The following PPFIA4 variants were observed in gnomAD, a reference collection of about 807,000 sequenced individuals.
The protein encoded by PPFIA4 is PPFI scaffold protein A4.
A neutral mutation model predicts 145.7 loss-of-function variants in PPFIA4; 98 were observed. The observed-to-expected ratio is 0.67, with a 90% CI of 0.57 to 0.80. PPFIA4 has a LOEUF of 0.80. Ranked by LOEUF, PPFIA4 falls within the 30% of genes least tolerant of loss-of-function variation. PPFIA4 has a pLI of 0.00. For missense variants in PPFIA4, 1,457 were observed against 1,632.7 expected (o/e 0.89, Z 1.85); for synonymous variants, 628 against 649.6 (o/e 0.97, Z 0.51).
rs867284916 is a variant in PPFIA4 at position 203,039,038 on chromosome 1, G to T, written c.30G>T (p.Glu10Asp). 6.4e-7 allele frequency: 1 copy of T among 1,570,924 alleles called. No homozygotes were observed. The highest frequency in any genetic ancestry group is 2.3e-5 in the East Asian group (1 of 43,726). The change falls in exon 2 of 30, where the codon GAG becomes GAT. Residue 10 changes from glutamate (E) to aspartate (D), a missense_variant. By Grantham distance (45) the Glu-to-Asp change is conservative. This residue lies in a region of PPFIA4 where 463 missense variants were observed against 459.8 expected (regional missense o/e 1.01). Coordinates refer to ENST00000295706, the MANE Select transcript of PPFIA4 (RefSeq NM_001304331.2). ...GTGAGGTGATGCCCACAATCAATGA[G>T]GGGGACCGCCTGGGTCCCCCTCATG... The part of the protein sequence containing the change: MCEVMPTIN[E>D]GDRLGPPHGA...
At chr1:203,049,067 G>A (rs1385748229) in intron 12 of PPFIA4, 87 bp downstream of exon 12, 1 of 1,266,200 alleles carries the variant, frequency 7.9e-7, no homozygotes. Context: ...CTGCTGCTCT[G>A]ATACCTGGCA....
Position 203,049,693 on chromosome 1 carries a change from G to T in PPFIA4, c.1437G>T (p.Glu479Asp). Residue 479 changes from glutamate to aspartate, a missense_variant, in exon 13 of 30, where the codon GAG (glutamate) becomes GAT (aspartate). Around this residue, in one of 3 missense-constraint regions of PPFIA4, gnomAD observed 848 missense variants for 1,046.7 expected, o/e 0.81. Coordinates refer to ENST00000295706, the MANE Select transcript of PPFIA4 (RefSeq NM_001304331.2). ...QHHHKGRLSE[E>D]IEKLRQEVDQ... is the part of the protein sequence containing the mutation. ...TGGCACAGGGCCGCCTGTCTGAAGA[G>T]ATTGAGAAGCTGCGCCAAGAGGTGG... 6.3e-7 allele frequency: 1 copy of T among 1,581,002 alleles called. No homozygotes were observed. Among genetic ancestry groups the T allele is most frequent in the Non-Finnish European group, 8.6e-7 (1 of 1,163,202 alleles).
In PPFIA4 at chr1:203,068,977, C is replaced by G. The variant is rs1160309637; in HGVS notation, c.3324+349C>G. Among the ~76,000 whole-genome samples the G allele has an allele frequency of 6.6e-6, 1 of 152,186 alleles. No individual in the cohort carries two copies. The highest frequency in any genetic ancestry group is 1.5e-5 in the Non-Finnish European group (1 of 68,036). Reference sequence around the variant, plus strand: ...TTCCTTTTCATCCTGCTTCTCTGATCTGACTTTTCTTAGAGGGGAATGAGC... The same window carrying G: ...TTCCTTTTCATCCTGCTTCTCTGATGTGACTTTTCTTAGAGGGGAATGAGC... On this transcript the variant is annotated intron_variant, in intron 27 of 29. Coordinates refer to ENST00000295706, the MANE Select transcript of PPFIA4 (RefSeq NM_001304331.2). This position sits in a 1 kb window ranked among gnomAD's most constrained non-coding sequence, Gnocchi z 4.7.
At chr1:203,035,649 T>G (rs753192490) in intron 1 of PPFIA4, 3 of 456,758 alleles carry the variant, frequency 6.6e-6, no homozygotes, top group South Asian at 4.6e-5. Flanking sequence ...CTGTGAGTGT[T>G]ACTTAGAAAT....
intron 13 of PPFIA4, chr1:203,051,355 TCTAGA>T: frequency 1.0e-6 from 1 of 980,396 alleles, no homozygotes; most frequent in East Asian, 1.1e-4. Flanking sequence ...GAAAAGGGCC[TCTAGA>T]CATCATCCCT....
intron 8 of PPFIA4, 32 bp downstream of exon 8, chr1:203,046,019 T>C (rs776726330): frequency 2.5e-6 from 4 of 1,611,538 alleles, no homozygotes; most frequent in Middle Eastern, 1.8e-4. Flanking sequence ...GGGATGGGCA[T>C]TGTACTTAGC....
chr1:203,044,481 C>T (rs1246837176), intron 5 of PPFIA4, 28 bp downstream of exon 5: 1 of 1,544,496 alleles, frequency 6.5e-7, no homozygotes, highest in South Asian at 1.2e-5. Flanking sequence ...CCTCAGTCTG[C>T]AGCTCCTGGA....
chr1:203,032,071 T>TGTGTGTGTGTGTG (rs1558060391), intron 1 of PPFIA4, among the ~76,000 whole-genome samples: 5 of 151,860 alleles, frequency 3.3e-5, no homozygotes, highest in Admixed American at 1.3e-4. Context: ...TGTGTGTGTG[T>TGTGTGTGTGTGTG]TTTAGCAGGG....
In PPFIA4 at chr1:203,039,052, G is replaced by C. The variant is rs776879704; in HGVS notation, c.44G>C (p.Gly15Ala). 1.3e-6 allele frequency: 2 copies of C among 1,597,528 alleles called. No individual in the cohort carries two copies. The highest frequency in any genetic ancestry group is 1.1e-5 in the South Asian group (1 of 88,660). ...ACAATCAATGAGGGGGACCGCCTGG[G>C]TCCCCCTCATGGCGCCGATGCTGAC... ...MPTINEGDRL[G>A]PPHGADADAN... The change falls in exon 2 of 30, where the codon GGT (glycine) becomes GCT (alanine). Residue 15 changes from glycine to alanine, a missense_variant. Gly to Ala is a moderately conservative substitution (Grantham distance 60). This residue lies in a region of PPFIA4 where 463 missense variants were observed against 459.8 expected (regional missense o/e 1.01). Transcript: ENST00000295706.
Position 203,059,774 on chromosome 1 carries a change from C to A in PPFIA4, c.2506C>A (p.Gln836Lys). The change falls in exon 21 of 30, where the codon CAG (glutamine) becomes AAG (lysine). Residue 836 changes from glutamine (Q) to lysine (K), a missense_variant. Gln to Lys is a moderately conservative substitution (Grantham distance 53, BLOSUM62 1). Around this residue, in one of 3 missense-constraint regions of PPFIA4, gnomAD observed 848 missense variants for 1,046.7 expected, o/e 0.81. Coordinates refer to ENST00000295706, the MANE Select transcript of PPFIA4 (RefSeq NM_001304331.2). Reference protein sequence around the residue: ...EKDRRLKKKHQLLEDARRKGM... With the variant: ...EKDRRLKKKHKLLEDARRKGM... The stretch of plus-strand genomic sequence containing the variant: ...TGTTGTTCCTCTTCCTATAAGACAC[C>A]AGCTGCTTGAAGATGCCCGCAGGAA... 6.2e-7 allele frequency: 1 copy of A among 1,613,130 alleles called. No individual in the cohort carries two copies. The highest frequency in any genetic ancestry group is 1.3e-5 in the African/African-American group (1 of 74,986).
chr1:203,062,694 T>C (rs750021710), intron 24 of PPFIA4, among the ~76,000 whole-genome samples: 2 of 151,968 alleles, frequency 1.3e-5, no homozygotes, highest in Non-Finnish European at 2.9e-5. Flanking sequence ...ATCCGAGCCA[T>C]AGGGTGTGAA....
At position 203,068,611 on chromosome 1, in the gene PPFIA4, C is replaced by G; in HGVS notation, c.3307C>G (p.Pro1103Ala). 1 of 1,545,102 alleles carries G rather than the reference C, an allele frequency of 6.5e-7. No individual in the cohort carries two copies. The change falls in exon 27 of 30, where the codon CCC (proline) becomes GCC (alanine). Residue 1103 changes from proline (P) to alanine (A), a missense_variant. By Grantham distance (27) the Pro-to-Ala change is conservative. Coordinates refer to ENST00000295706, the MANE Select transcript of PPFIA4 (RefSeq NM_001304331.2). The surrounding 1 kb of genome is among the most constrained non-coding windows in gnomAD (Gnocchi z 4.7). ...CACACTGGCCCTGATCCTCCAGATC[C>G]CCACACAGAACACCCAGGTGGGCAG... ...HNTLALILQI[P>A]TQNTQARQVM...
At position 203,063,933 on chromosome 1, in the gene PPFIA4, G is replaced by T. The variant is rs1198272417; in HGVS notation, c.2980G>T (p.Ala994Ser). ...RSYFMECLVD[A>S]RMLDHLTKKD... ...CTACTTCATGGAGTGCCTGGTGGAC[G>T]CCCGCATGCTGGACCACCTCACCAA... The change falls in exon 25 of 30, where the codon GCC becomes TCC. Residue 994 changes from alanine (A) to serine (S), a missense_variant. Transcript: ENST00000295706. The T allele has an allele frequency of 1.2e-6, 2 of 1,613,912 alleles. No homozygotes were observed. Among genetic ancestry groups the T allele is most frequent in the Non-Finnish European group, 1.7e-6 (2 of 1,179,898 alleles).
intron 15 of PPFIA4, among the ~76,000 whole-genome samples, chr1:203,054,709 C>G (rs61821066): frequency 5.6e-4 from 84 of 150,994 alleles, no homozygotes; most frequent in Admixed American, 9.9e-4. Context: ...CACATACACA[C>G]ACAGAGAGAG....
In PPFIA4 at chr1:203,048,458, G is replaced by T; in HGVS notation, c.1225-125G>T. On this transcript the variant is annotated intron_variant, in intron 10 of 29. Coordinates refer to ENST00000295706, the MANE Select transcript of PPFIA4 (RefSeq NM_001304331.2). The surrounding 1 kb of genome is among the most constrained non-coding windows in gnomAD (Gnocchi z 5.8). The stretch of plus-strand genomic sequence containing the variant: ...AGGCTGGCAGGTGAAGGGGGAGGTG[G>T]TCAGGAGACTGGAGAGAGTGGCTCC... 1 of 1,480,532 alleles carries T rather than the reference G, an allele frequency of 6.8e-7. No individual in the cohort carries two copies. The highest frequency in any genetic ancestry group is 1.2e-5 in the South Asian group (1 of 80,778). 91.7% of individuals were successfully genotyped at this position (1,480,532 alleles called of 1,614,324 possible). A position where few individuals can be genotyped will look rare whatever the true frequency, so the allele number is the denominator to read the frequency against.
rs1660825351 is a variant in PPFIA4 at position 203,055,042 on chromosome 1, G to T, written c.1830-390G>T. Among the ~76,000 whole-genome samples the T allele has an allele frequency of 1.3e-5, 2 of 152,190 alleles. No homozygotes were observed. The highest frequency in any genetic ancestry group is 4.8e-5 in the African/African-American group (2 of 41,430). On this transcript the variant is annotated intron_variant, in intron 15 of 29. Transcript: ENST00000295706. The surrounding 1 kb of genome is among the most constrained non-coding windows in gnomAD (Gnocchi z 4.8). ...TGGAACAGGGAAAACCCCACCAGGG[G>T]TCAGCATCATTTAAAAGTCCTACAC...
chr1:203,067,962 T>G (rs1338116106), intron 26 of PPFIA4, among the ~76,000 whole-genome samples, 170 bp downstream of exon 26: 3 of 152,142 alleles, frequency 2.0e-5, no homozygotes, highest in African/African-American at 7.2e-5. Context: ...ACATAGTCCA[T>G]GCCAAGTTGT....
chr1:203,071,955 G>C (rs1662200722), intron 28 of PPFIA4, among the ~76,000 whole-genome samples, 195 bp downstream of exon 28: 1 of 152,182 alleles, frequency 6.6e-6, no homozygotes, highest in Admixed American at 6.5e-5. Flanking sequence ...GGTAGTAATA[G>C]GCTGTCGAGA....
intron 28 of PPFIA4, among the ~76,000 whole-genome samples, chr1:203,073,431 G>GGT (rs1662306283): frequency 6.6e-6 from 1 of 152,196 alleles, no homozygotes; most frequent in African/African-American, 2.4e-5. Flanking sequence ...GATTCAACTA[G>GGT]GTGTGGGCTA....
Sources: gnomAD v4.1 joint callset for allele counts (sites outside exome capture counted in the v4.1 genomes callset) on GRCh38, gnomAD v4.1.1 for gene constraint, gnomAD v4.1.1 regional missense constraint, Gnocchi (gnomAD v3.1) non-coding constraint, MANE v1.5 for transcripts, NCBI Gene and HGNC (gene_info 2026-07-23, HGNC 2026-07-21) for gene names.